The following IQSEC2 variants were observed in gnomAD, a reference collection of about 807,000 sequenced individuals.
IQSEC2 encodes the protein IQ motif and Sec7 domain ArfGEF 2.
A neutral mutation model predicts 74.6 loss-of-function variants in IQSEC2; 6 were observed. The ratio of observed to expected loss-of-function variants is 0.08; its 90% confidence interval spans 0.04 to 0.16. The LOEUF is 0.16. Ranked by LOEUF, IQSEC2 falls within the 10% of genes least tolerant of loss-of-function variation. IQSEC2 has a pLI of 1.00. For missense variants in IQSEC2, 734 were observed against 1,306.2 expected, an observed-to-expected ratio of 0.56 and a Z score of 6.75; for synonymous variants, 494 against 544.5, an observed-to-expected ratio of 0.91 and a Z score of 1.29.
intron 1 of IQSEC2, among the ~76,000 whole-genome samples, chrX:53,292,313 G>A (rs1015880053): frequency 8.9e-6 from 1 of 112,123 alleles, no homozygotes; most frequent in Admixed American, 9.5e-5. Flanking sequence ...GGAAGACCTA[G>A]GTTCAGATAT....
chrX:53,250,101 ACT>A (rs1556862886), intron 5 of IQSEC2, among the ~76,000 whole-genome samples, 176 bp downstream of exon 5: 1 of 110,986 alleles, frequency 9.0e-6, no homozygotes, highest in Non-Finnish European at 1.9e-5. Context: ...GTGTTAAGGG[ACT>A]CTCTACTCTG....
chrX:53,258,771 G>A (rs1179943571), intron 2 of IQSEC2, among the ~76,000 whole-genome samples: 1 of 111,272 alleles, frequency 9.0e-6, no homozygotes, highest in Non-Finnish European at 1.9e-5. Flanking sequence ...TTGAATCCAG[G>A]AGGCAGAGGT....
At chrX:53,245,038 T>A (rs2074282229) in intron 8 of IQSEC2, among the ~76,000 whole-genome samples, 2 of 110,170 alleles carry the variant, frequency 1.8e-5, no homozygotes. Flanking sequence ...AGGAGACAGC[T>A]CCAAATGGCC....
At chrX:53,264,833 T>G (rs972754894) in intron 2 of IQSEC2, among the ~76,000 whole-genome samples, 22 of 109,480 alleles carry the variant, frequency 2.0e-4, no homozygotes, top group Middle Eastern at 4.6e-3. Context: ...TGTTAACCCT[T>G]TGCATCCTTC....
chrX:53,269,643 A>G (rs915669688), intron 2 of IQSEC2, among the ~76,000 whole-genome samples: 3 of 110,147 alleles, frequency 2.7e-5, no homozygotes, highest in African/African-American at 9.9e-5. Flanking sequence ...AAACCCGTCT[A>G]CACTGGCCAT....
At chrX:53,257,185 G>A (rs1463578176) in intron 2 of IQSEC2, among the ~76,000 whole-genome samples, 1 of 111,902 alleles carries the variant, frequency 8.9e-6, no homozygotes, top group East Asian at 2.8e-4. Context: ...ACAGGTGAAG[G>A]GGTACTCCCC....
At position 53,320,504 on chromosome X, in the gene IQSEC2, C is replaced by T. The variant is rs1556879985; in HGVS notation, c.620G>A (p.Arg207His). 1 of 1,163,311 alleles carries T rather than the reference C, an allele frequency of 8.6e-7. No homozygotes were observed. Residue 207 changes from arginine to histidine, a missense_variant, in exon 1 of 15, where the codon CGT becomes CAT. Physicochemically the swap from Arg to His is conservative, Grantham distance 29. This residue lies in a region of IQSEC2 where 134 missense variants were observed against 214.9 expected (regional missense o/e 0.62). Coordinates refer to ENST00000642864, the MANE Select transcript of IQSEC2 (RefSeq NM_001111125.3). ...GGGACTGGAGCTCCTGGATGCGCCA[C>T]GGCTCAGCTGGCCCCGCTCCCGCGG... ...RPPRERGQLSRGASRSSSPGA... is the reference protein window; with the variant it reads ...RPPRERGQLSHGASRSSSPGA...
intron 7 of IQSEC2, 38 bp downstream of exon 7, chrX:53,248,076 G>C (rs782137399): frequency 8.3e-7 from 1 of 1,206,264 alleles, no homozygotes; most frequent in Non-Finnish European, 1.1e-6. Flanking sequence ...ATGCCCACAG[G>C]AGGGAGGGGC....
intron 2 of IQSEC2, among the ~76,000 whole-genome samples, chrX:53,269,073 T>C (rs1167089922): frequency 8.9e-6 from 1 of 112,236 alleles, no homozygotes; most frequent in Non-Finnish European, 1.9e-5. Context: ...TTGTTCATTA[T>C]TCCATCAGCA....
chrX:53,249,772 T>A (rs1282028816), intron 5 of IQSEC2, among the ~76,000 whole-genome samples: 3 of 111,644 alleles, frequency 2.7e-5, no homozygotes, highest in African/African-American at 9.8e-5. Context: ...TAGAAAGAGC[T>A]TAGTCACAGT....
intron 2 of IQSEC2, among the ~76,000 whole-genome samples, chrX:53,282,668 C>T (rs1556871126): frequency 8.9e-6 from 1 of 112,303 alleles, no homozygotes; most frequent in African/African-American, 3.2e-5. Flanking sequence ...GAGAGAGAGG[C>T]CCTCCGGAAC....
chrX:53,266,292 G>A, intron 2 of IQSEC2: 1 of 643,320 alleles, frequency 1.6e-6, no homozygotes, highest in Non-Finnish European at 1.9e-6. Flanking sequence ...TTGGAAGAGG[G>A]AAGTGGGGGT....
At chrX:53,296,805 G>A (rs1333576840) in intron 1 of IQSEC2, among the ~76,000 whole-genome samples, 1 of 110,285 alleles carries the variant, frequency 9.1e-6, no homozygotes, top group Admixed American at 9.7e-5. Context: ...CAAGTGATCT[G>A]CCCACTTCAG....
chrX:53,238,244 T>A lies in IQSEC2; in HGVS notation c.3178A>T (p.Ile1060Phe). The change falls in exon 12 of 15, where the codon ATC (isoleucine) becomes TTC (phenylalanine). Residue 1060 changes from isoleucine (I) to phenylalanine (F), a missense_variant. Around this residue, in one of 12 missense-constraint regions of IQSEC2, gnomAD observed 249 missense variants for 467.9 expected, o/e 0.53. Transcript: ENST00000642864. ...TCCTGGAGGCTGGGGGCATTGAAGA[T>A]GATGAGGACTTTTCGCTCCCCACCA... Reference protein sequence around the residue: ...VPGGERKVLIIFNAPSLQDRL... With the variant: ...VPGGERKVLIFFNAPSLQDRL... The A allele has an allele frequency of 8.3e-7, 1 of 1,211,238 alleles. No homozygotes were observed. Among genetic ancestry groups the A allele is most frequent in the Non-Finnish European group, 1.1e-6 (1 of 895,230 alleles).
At position 53,281,810 on chromosome X, in the gene IQSEC2, G is replaced by A. The variant is rs782656005; in HGVS notation, c.737+10085C>T. Reference sequence around the variant, plus strand: ...TGCACCTCTGCTAGAATCTCCCCACGCACCCCATCAAGTTTGTATCGCTGG... The same window carrying A: ...TGCACCTCTGCTAGAATCTCCCCACACACCCCATCAAGTTTGTATCGCTGG... On this transcript the variant is annotated intron_variant, in intron 2 of 14. Coordinates refer to ENST00000642864, the MANE Select transcript of IQSEC2 (RefSeq NM_001111125.3). Among the ~76,000 whole-genome samples, 6 of 111,832 alleles carry A rather than the reference G, an allele frequency of 5.4e-5. No homozygotes were observed. In the South Asian group the frequency reaches 2.2e-3, roughly 42 times the overall value.
At chrX:53,295,573 C>T (rs2075142900) in intron 1 of IQSEC2, among the ~76,000 whole-genome samples, 1 of 94,040 alleles carries the variant, frequency 1.1e-5, no homozygotes, top group Non-Finnish European at 2.1e-5. Flanking sequence ...CACTGCACTC[C>T]AGCCTGGGCA....
rs2074386931 is a variant in IQSEC2 at position 53,251,238 on chromosome X, T to C, written c.1402-64A>G. The C allele has an allele frequency of 5.6e-6, 6 of 1,076,485 alleles. No individual in the cohort carries two copies. The Admixed American group carries it at 1.1e-4, about 21-fold the overall frequency. The allele number at this position is 1,076,485 out of a possible 1,213,427, so 88.7% of individuals were successfully genotyped here. ...AAAGAAAGAAAGATAAAGGGAAGAA[T>C]GGTGGAAGGTGGGAATGAGGGAGGG... On this transcript the variant is annotated intron_variant, in intron 4 of 14. Transcript: ENST00000642864.
chrX:53,285,520 T>G (rs1438905809), intron 2 of IQSEC2, among the ~76,000 whole-genome samples: 2 of 112,441 alleles, frequency 1.8e-5, no homozygotes, highest in Non-Finnish European at 3.8e-5. Flanking sequence ...AGATTAAAGA[T>G]AATGTGTCTC....
At chrX:53,318,340 C>G (rs1325325843) in intron 1 of IQSEC2, among the ~76,000 whole-genome samples, 1 of 112,129 alleles carries the variant, frequency 8.9e-6, no homozygotes, top group Non-Finnish European at 1.9e-5. Context: ...AAATGCAAAG[C>G]AAGGAAACGC....
Sources: gnomAD v4.1 joint callset for allele counts (sites outside exome capture counted in the v4.1 genomes callset) on GRCh38, gnomAD v4.1.1 for gene constraint, gnomAD v4.1.1 regional missense constraint, MANE v1.5 for transcripts, NCBI Gene and HGNC (gene_info 2026-07-23, HGNC 2026-07-21) for gene names.